The following ERMP1 variants were observed in gnomAD, a reference collection of about 807,000 sequenced individuals.
ERMP1 encodes endoplasmic reticulum metallopeptidase 1.
ERMP1 carries 86 observed loss-of-function variants against 92.0 expected under a neutral mutation model. That is an observed-to-expected ratio of 0.93 (90% CI 0.79 to 1.12). The LOEUF (loss-of-function observed/expected upper bound fraction) is 1.12. ERMP1 is among the 50% of genes most tolerant of loss of function. The pLI is 0.00. For missense variants in ERMP1, 1,342 were observed against 1,116.3 expected, an observed-to-expected ratio of 1.20 and a Z score of -2.88; for synonymous variants, 530 against 412.8, an observed-to-expected ratio of 1.28 and a Z score of -3.44.
upstream of ERMP1, among the ~76,000 whole-genome samples, chr9:5,834,989 GT>G: frequency 1.4e-5 from 2 of 144,512 alleles, no homozygotes; most frequent in Admixed American, 6.9e-5. Flanking sequence ...GTGTGTGTGT[GT>G]GTGTGTGTGT....
At chr9:5,824,699 C>T (rs894896908) in intron 3 of ERMP1, among the ~76,000 whole-genome samples, 1 of 152,118 alleles carries the variant, frequency 6.6e-6, no homozygotes, top group South Asian at 2.1e-4. Flanking sequence ...GCGTGCCTGG[C>T]CCCCTTCTCT....
rs73639533 is a variant in ERMP1 at position 5,866,134 on chromosome 9, T to C, written n.3055+1668A>G. On this transcript the variant is annotated intron_variant and non_coding_transcript_variant, in intron 5 of 6. Coordinates refer to the ERMP1 transcript ENST00000690753. ...GCAGATTTTAAACACGTAGGTGTGC[T>C]ATTACACATAATACACTTCCATTTT... 6.2e-3 allele frequency among the ~76,000 whole-genome samples: 942 copies of C among 152,344 alleles called. 11 individuals are homozygous for C. Among genetic ancestry groups the C allele is most frequent in the African/African-American group, 0.022 (907 of 41,586 alleles).
At chr9:5,810,366 G>C (rs567457993) in intron 7 of ERMP1, 135 bp from the exon 8 acceptor site, 5 of 631,448 alleles carry the variant, frequency 7.9e-6, no homozygotes, top group East Asian at 2.7e-5. Flanking sequence ...AAATGTCCTA[G>C]TGTTGAGATT....
chr9:5,861,475 C>T (rs940248956), intron 5 of ERMP1, among the ~76,000 whole-genome samples: 1 of 151,920 alleles, frequency 6.6e-6, no homozygotes, highest in African/African-American at 2.4e-5. Flanking sequence ...AAAGCAGGAG[C>T]CATGTGTGTC....
intron 6 of ERMP1, among the ~76,000 whole-genome samples, chr9:5,848,279 G>A (rs988952634): frequency 7.9e-5 from 12 of 152,184 alleles, no homozygotes; most frequent in African/African-American, 2.7e-4. Context: ...CGGGAAGTAG[G>A]AGAGTAAGAG....
chr9:5,795,789 AAAAAG>A (rs879792291), intron 13 of ERMP1, among the ~76,000 whole-genome samples: 14 of 152,142 alleles, frequency 9.2e-5, no homozygotes, highest in South Asian at 4.1e-4. Context: ...AAAGAAAAAG[AAAAAG>A]AAAAGAAAAT....
At chr9:5,847,855 G>A (rs1449029755) in intron 6 of ERMP1, among the ~76,000 whole-genome samples, 6 of 150,760 alleles carry the variant, frequency 4.0e-5, no homozygotes, top group Non-Finnish European at 7.4e-5. Flanking sequence ...AGATGGCACC[G>A]CTGTACTCCA....
intron 11 of ERMP1, among the ~76,000 whole-genome samples, chr9:5,800,779 T>C (rs541025024): frequency 3.3e-5 from 5 of 152,234 alleles, no homozygotes; most frequent in Non-Finnish European, 7.3e-5. Context: ...TTAAGATTAA[T>C]TTTACTAGCA....
intron 5 of ERMP1, among the ~76,000 whole-genome samples, chr9:5,861,925 T>C (rs1317831487): frequency 1.3e-5 from 2 of 152,014 alleles, no homozygotes; most frequent in Admixed American, 1.3e-4. Context: ...GGTCAGATAA[T>C]CAGGGGCTGT....
chr9:5,793,562 A>T (rs1828291350), intron 13 of ERMP1, among the ~76,000 whole-genome samples: 1 of 152,122 alleles, frequency 6.6e-6, no homozygotes, highest in African/African-American at 2.4e-5. Flanking sequence ...AACCCATTTT[A>T]ACTATGAAGG....
At chr9:5,861,724 T>TG in intron 5 of ERMP1, among the ~76,000 whole-genome samples, 1 of 142,912 alleles carries the variant, frequency 7.0e-6, no homozygotes, top group African/African-American at 2.6e-5. Flanking sequence ...AGGGTTTTTT[T>TG]TTTTTTTTTT....
At chr9:5,805,532 C>T (rs1828836886) in intron 9 of ERMP1, 79 bp downstream of exon 9, 1 of 1,325,984 alleles carries the variant, frequency 7.5e-7, no homozygotes, top group Non-Finnish European at 1.0e-6. Flanking sequence ...CCCAATAAAA[C>T]CAAAAAAGAA....
At chr9:5,845,711 G>A (rs762597639) in intron 6 of ERMP1, among the ~76,000 whole-genome samples, 1 of 152,134 alleles carries the variant, frequency 6.6e-6, no homozygotes, top group Non-Finnish European at 1.5e-5. Flanking sequence ...GAGGTTGTAG[G>A]GTGCCCTCTT....
At chr9:5,815,297 G>C (rs1829257883) in intron 4 of ERMP1, among the ~76,000 whole-genome samples, 1 of 152,026 alleles carries the variant, frequency 6.6e-6, no homozygotes, top group African/African-American at 2.4e-5. Flanking sequence ...TCCAGGTCTG[G>C]GACTAGCAAA....
chr9:5,810,925 C>A (rs2131238247), intron 7 of ERMP1, among the ~76,000 whole-genome samples, 186 bp downstream of exon 7: 1 of 152,148 alleles, frequency 6.6e-6, no homozygotes, highest in African/African-American at 2.4e-5. Flanking sequence ...TAAAAATTGA[C>A]TGCTTCACCA....
chr9:5,841,794 C>G (rs1052324159), intron 6 of ERMP1, among the ~76,000 whole-genome samples: 1 of 152,154 alleles, frequency 6.6e-6, no homozygotes, highest in South Asian at 2.1e-4. Context: ...TTCTTGGTCT[C>G]GCTGACTTCA....
intron 9 of ERMP1, 145 bp downstream of exon 9, chr9:5,805,466 A>G (rs1828834640): frequency 5.9e-6 from 4 of 678,588 alleles, no homozygotes; most frequent in East Asian, 6.0e-5. Context: ...AGTATAAGGC[A>G]TAAGATAATT....
At chr9:5,829,745 C>T (rs981841165) in intron 2 of ERMP1, among the ~76,000 whole-genome samples, 2 of 152,162 alleles carry the variant, frequency 1.3e-5, no homozygotes, top group South Asian at 4.1e-4. Flanking sequence ...CTCTGATCAG[C>T]GATGACCAGC....
In ERMP1 at chr9:5,811,257, T is replaced by C. The variant is rs140094646; in HGVS notation, c.1181A>G (p.Tyr394Cys). The change falls in exon 7 of 15, where the codon TAT (tyrosine) becomes TGT (cysteine). Residue 394 changes from tyrosine to cysteine, a missense_variant. By Grantham distance (194) the Tyr-to-Cys change is radical. Coordinates refer to ENST00000339450, the MANE Select transcript of ERMP1 (RefSeq NM_024896.3). ...AAAGAAGACCATGTTTCCATGTCGA[T>C]ACTTAGAAGCAGCAGCCAGCATATC... ...TSDMLAAASKYRHGNMVFFDV... is the reference protein window; with the variant it reads ...TSDMLAAASKCRHGNMVFFDV... The C allele has an allele frequency of 1.8e-3, 2,925 of 1,613,718 alleles. 21 individuals are homozygous for C. Among genetic ancestry groups the C allele is most frequent in the Non-Finnish European group, 1.3e-3 (1,557 of 1,179,926 alleles).
Sources: allele counts gnomAD v4.1 joint callset (sites outside exome capture counted in the v4.1 genomes callset), GRCh38; gene constraint gnomAD v4.1.1; transcripts MANE v1.5; gene names NCBI Gene and HGNC (gene_info 2026-07-23, HGNC 2026-07-21).